The following KRABD5 variants were observed in gnomAD, a reference collection of about 807,000 sequenced individuals.
KRABD5 encodes the protein KRAB domain containing 5, also known as KRAB domain-containing protein 5.
At chr16:31,755,014 G>C in the KRABD5 span, 1 of 469,344 alleles carries the variant, frequency 2.1e-6, no homozygotes, top group Non-Finnish European at 4.4e-6. Context: ...ATCTTCTTGT[G>C]CATCAGAGAA....
chr16:31,743,330 T>A, the KRABD5 span, among the ~76,000 whole-genome samples: 8 of 152,300 alleles, frequency 5.3e-5, no homozygotes, highest in African/African-American at 1.9e-4. Flanking sequence ...AGTTTCTGTT[T>A]TCTGCATATG....
At chr16:31,718,729 C>A in the KRABD5 span, among the ~76,000 whole-genome samples, 2 of 152,148 alleles carry the variant, frequency 1.3e-5, no homozygotes, top group African/African-American at 4.8e-5. Flanking sequence ...TGGGGCAGTT[C>A]CACTTTGTAT....
the KRABD5 span, among the ~76,000 whole-genome samples, chr16:31,747,366 C>T: frequency 6.6e-6 from 1 of 152,182 alleles, no homozygotes; most frequent in Non-Finnish European, 1.5e-5. Flanking sequence ...ATATGTGCCA[C>T]ATTTTCTTAA....
the KRABD5 span, among the ~76,000 whole-genome samples, chr16:31,717,658 A>G: frequency 6.6e-6 from 1 of 150,756 alleles, no homozygotes; most frequent in East Asian, 1.9e-4. Context: ...TGTCCTTCAC[A>G]TTCTGGTCTC....
chr16:31,721,026 A>G, the KRABD5 span, among the ~76,000 whole-genome samples: 3 of 152,232 alleles, frequency 2.0e-5, no homozygotes, highest in East Asian at 5.8e-4. Flanking sequence ...ACAACAATTA[A>G]CATATAATTA....
the KRABD5 span, among the ~76,000 whole-genome samples, chr16:31,744,669 A>C: frequency 2.6e-5 from 4 of 151,934 alleles, no homozygotes. Context: ...CCTCCTTTTC[A>C]ATTGTTTGGA....
the KRABD5 span, among the ~76,000 whole-genome samples, chr16:31,750,443 A>C: frequency 6.6e-6 from 1 of 152,312 alleles, no homozygotes; most frequent in Non-Finnish European, 1.5e-5. Flanking sequence ...CTTTTGGCAC[A>C]GTCTTTCCAG....
chr16:31,715,821 C>A, the KRABD5 span, among the ~76,000 whole-genome samples: 1 of 152,114 alleles, frequency 6.6e-6, no homozygotes, highest in African/African-American at 2.4e-5. Flanking sequence ...AGCACAGGGA[C>A]CTGGGCTGGA....
chr16:31,726,234 C>T, the KRABD5 span, among the ~76,000 whole-genome samples: 1 of 152,176 alleles, frequency 6.6e-6, no homozygotes. Flanking sequence ...AAGAGACCAT[C>T]CTTTTCCCTT....
chr16:31,744,291 A>ATGTTC, the KRABD5 span, among the ~76,000 whole-genome samples: 2 of 152,182 alleles, frequency 1.3e-5, no homozygotes, highest in Non-Finnish European at 2.9e-5. Flanking sequence ...ATTTTCAGAT[A>ATGTTC]TGTTCCATCA....
the KRABD5 span, among the ~76,000 whole-genome samples, chr16:31,716,421 G>A: frequency 6.6e-6 from 1 of 152,026 alleles, no homozygotes; most frequent in Non-Finnish European, 1.5e-5. Context: ...TCACTGTGTC[G>A]CCCAGGCTGG....
the KRABD5 span, among the ~76,000 whole-genome samples, chr16:31,751,702 C>G: frequency 3.9e-5 from 6 of 152,158 alleles, no homozygotes; most frequent in East Asian, 9.7e-4. Context: ...TCTCGTTTAC[C>G]CTTTCAAAGA....
At chr16:31,719,918 A>G in the KRABD5 span, among the ~76,000 whole-genome samples, 3 of 152,218 alleles carry the variant, frequency 2.0e-5, no homozygotes, top group East Asian at 5.8e-4. Context: ...CTTAAGAACT[A>G]AACTTCACCC....
At chr16:31,745,247 G>A in the KRABD5 span, among the ~76,000 whole-genome samples, 2 of 152,082 alleles carry the variant, frequency 1.3e-5, no homozygotes, top group Non-Finnish European at 2.9e-5. Context: ...GCTTTCTGTT[G>A]TGGGCATTTA....
chr16:31,719,728 C>T, the KRABD5 span, among the ~76,000 whole-genome samples: 1 of 152,192 alleles, frequency 6.6e-6, no homozygotes, highest in Non-Finnish European at 1.5e-5. Flanking sequence ...CTCACAATTT[C>T]CCCAAACCCA....
the KRABD5 span, chr16:31,759,070 C>A: frequency 3.5e-6 from 1 of 289,346 alleles, no homozygotes. Context: ...CTGCAGCAAC[C>A]ACTAAAAAAT....
chr16:31,732,364 A>G, the KRABD5 span, among the ~76,000 whole-genome samples: 1 of 152,360 alleles, frequency 6.6e-6, no homozygotes, highest in Admixed American at 6.5e-5. Flanking sequence ...TCTGAAATAT[A>G]TATCAAATTT....
chr16:31,755,312 T>A, the KRABD5 span: 1 of 507,974 alleles, frequency 2.0e-6, no homozygotes, highest in Non-Finnish European at 4.0e-6. Context: ...ATGCAAAGAA[T>A]GTGGCAAAGC....
the KRABD5 span, among the ~76,000 whole-genome samples, chr16:31,732,460 C>T: frequency 6.6e-6 from 1 of 152,126 alleles, no homozygotes; most frequent in African/African-American, 2.4e-5. Flanking sequence ...CTAGTGGGTA[C>T]CACATATTTA....
Sources: gnomAD v4.1 joint callset for allele counts (sites outside exome capture counted in the v4.1 genomes callset) on GRCh38, gnomAD v4.1.1 for gene constraint, MANE v1.5 for transcripts, NCBI Gene and HGNC (gene_info 2026-07-23, HGNC 2026-07-21) for gene names.